The following DAG1 variants were observed in gnomAD, a reference collection of about 807,000 sequenced individuals.
DAG1 encodes the protein dystroglycan 1 (dystrophin-associated glycoprotein 1).
Under a neutral mutation model 46.1 loss-of-function variants are expected in DAG1, and 8 were observed. That is an observed-to-expected ratio of 0.17 (90% CI 0.10 to 0.31). DAG1 has a LOEUF of 0.31. Among genes scored for constraint, DAG1 ranks in the 10% least tolerant of loss-of-function variants. DAG1 has a pLI of 1.00. For missense variants in DAG1, 1,003 were observed against 1,189.9 expected (o/e 0.84, Z 2.31); for synonymous variants, 495 against 481.8 (o/e 1.03, Z -0.36).
At chr3:49,480,361 C>T (rs528434556) in intron 1 of DAG1, among the ~76,000 whole-genome samples, 3 of 149,442 alleles carry the variant, frequency 2.0e-5, no homozygotes, top group South Asian at 4.3e-4. Flanking sequence ...CTGCAAGTTC[C>T]GTCTCCTGGG....
At chr3:49,504,760 A>ATTTTTTTTTTTTT (rs1559560835) in intron 1 of DAG1, among the ~76,000 whole-genome samples, 1 of 110,472 alleles carries the variant, frequency 9.1e-6, no homozygotes. Flanking sequence ...ACGCCCAGCT[A>ATTTTTTTTTTTTT]ATTTTTTTTT....
intron 1 of DAG1, among the ~76,000 whole-genome samples, chr3:49,497,779 A>G (rs2050353979): frequency 6.6e-6 from 1 of 152,212 alleles, no homozygotes; most frequent in African/African-American, 2.4e-5. Context: ...AGTGAGCCCC[A>G]TTACGTACCA....
At chr3:49,502,534 A>G (rs1292265836) in intron 1 of DAG1, among the ~76,000 whole-genome samples, 1 of 152,136 alleles carries the variant, frequency 6.6e-6, no homozygotes, top group Non-Finnish European at 1.5e-5. Flanking sequence ...GGAACAAGGT[A>G]GTAGAGAGGA....
At chr3:49,520,619 CT>C (rs1195135778) in intron 2 of DAG1, among the ~76,000 whole-genome samples, 3 of 152,196 alleles carry the variant, frequency 2.0e-5, no homozygotes, top group Non-Finnish European at 4.4e-5. Context: ...TGAAATGGAT[CT>C]GTTGGGGGAC....
chr3:49,477,612 A>G (rs1215690632), intron 1 of DAG1, among the ~76,000 whole-genome samples: 4 of 152,220 alleles, frequency 2.6e-5, no homozygotes, highest in East Asian at 3.8e-4. Flanking sequence ...TAAAACATTA[A>G]TAGTGGAGGA....
chr3:49,526,744 A>G (rs2051182515), intron 2 of DAG1, among the ~76,000 whole-genome samples: 1 of 152,156 alleles, frequency 6.6e-6, no homozygotes, highest in Non-Finnish European at 1.5e-5. Flanking sequence ...ATAAAATTAA[A>G]TAAATTGTGA....
intron 1 of DAG1, among the ~76,000 whole-genome samples, chr3:49,491,603 A>G (rs2050186383): frequency 6.6e-6 from 1 of 151,696 alleles, no homozygotes; most frequent in African/African-American, 2.4e-5. Context: ...CAGCCTCCCA[A>G]GTAGCTGGGA....
chr3:49,486,092 G>A (rs532119033), intron 1 of DAG1, among the ~76,000 whole-genome samples: 1 of 152,266 alleles, frequency 6.6e-6, no homozygotes, highest in South Asian at 2.1e-4. Flanking sequence ...GGAACTGCCT[G>A]TAGGAGTGGT....
chr3:49,486,188 T>TC (rs2050020379), intron 1 of DAG1, among the ~76,000 whole-genome samples: 1 of 75,322 alleles, frequency 1.3e-5, no homozygotes. Context: ...TCTTTTTCTT[T>TC]TATTTATTTA....
chr3:49,473,942 G>A (rs1170283131), intron 1 of DAG1, among the ~76,000 whole-genome samples: 1 of 151,126 alleles, frequency 6.6e-6, no homozygotes, highest in African/African-American at 2.4e-5. Context: ...GGAGTGCAGT[G>A]GTGGGATCTT....
At chr3:49,485,270 C>T (rs185770896) in intron 1 of DAG1, among the ~76,000 whole-genome samples, 3 of 150,016 alleles carry the variant, frequency 2.0e-5, no homozygotes, top group South Asian at 2.1e-4. Context: ...CCACCGCACC[C>T]GGCCAAGGAC....
chr3:49,510,421 TC>T lies in DAG1; in HGVS notation c.-113del. On this transcript the variant is annotated 5_prime_UTR_variant, in exon 2 of 3. Transcript: ENST00000308775. Reference sequence around the variant, plus strand: ...ACCTGCTTTTCTTTTTTTTTCAGGCTCTGTGTGCTCCGGGATGGAGCAGGTG... The same window carrying T: ...ACCTGCTTTTCTTTTTTTTTCAGGCTTGTGTGCTCCGGGATGGAGCAGGTG... 1 of 1,022,640 alleles carries T rather than the reference TC, an allele frequency of 9.8e-7. No individual in the cohort carries two copies. The highest frequency in any genetic ancestry group is 1.5e-6 in the Non-Finnish European group (1 of 655,260). The allele number at this position is 1,022,640 out of a possible 1,614,324, so 63.3% of individuals were successfully genotyped here.
chr3:49,470,572 G>A (rs2049486322), intron 1 of DAG1, 139 bp downstream of exon 1: 1 of 152,276 alleles, frequency 6.6e-6, no homozygotes. Flanking sequence ...ACGTCCTTGT[G>A]GGTGAGGAGG....
At chr3:49,510,125 T>A (rs1575386099) in intron 1 of DAG1, 1 of 404,492 alleles carries the variant, frequency 2.5e-6, no homozygotes, top group African/African-American at 2.0e-5. Flanking sequence ...AAAATATTAC[T>A]AATACATATC....
intron 1 of DAG1, among the ~76,000 whole-genome samples, chr3:49,507,334 G>A (rs1331799488): frequency 6.6e-6 from 1 of 152,118 alleles, no homozygotes; most frequent in East Asian, 1.9e-4. Context: ...AGGCTGAGGT[G>A]GGCGGATCAC....
chr3:49,529,978 T>C (rs1283304126), intron 2 of DAG1, among the ~76,000 whole-genome samples: 1 of 152,182 alleles, frequency 6.6e-6, no homozygotes, highest in African/African-American at 2.4e-5. Context: ...CCTGCTTCTG[T>C]GCCTGGTCTC....
chr3:49,510,382 T>C, intron 1 of DAG1, 37 bp from the exon 2 acceptor site: 1 of 742,254 alleles, frequency 1.3e-6, no homozygotes. Context: ...ACCACTGGAA[T>C]TGCTCAAGTC....
At position 49,531,704 on chromosome 3, in the gene DAG1, C is replaced by G. The variant is rs751173028; in HGVS notation, c.1193C>G (p.Pro398Arg). Residue 398 changes from proline to arginine, a missense_variant, in exon 3 of 3, where the codon CCT (proline) becomes CGT (arginine). By Grantham distance (103) the Pro-to-Arg change is moderately radical (BLOSUM62 -2). Transcript: ENST00000308775. The surrounding 1 kb of genome is among the most constrained non-coding windows in gnomAD (Gnocchi z 7.0). ...GTGTCAGAAGCTGGCACCACAGTTCCTGGCCAGATTCGCCCAACGATGACC... is the reference window on the plus strand; with the variant it reads ...GTGTCAGAAGCTGGCACCACAGTTCGTGGCCAGATTCGCCCAACGATGACC... ...TRVSEAGTTVPGQIRPTMTIP... is the reference protein window; with the variant it reads ...TRVSEAGTTVRGQIRPTMTIP... The G allele has an allele frequency of 2.5e-6, 4 of 1,614,016 alleles. No individual in the cohort carries two copies. The highest frequency in any genetic ancestry group is 1.7e-5 in the Admixed American group (1 of 60,004).
chr3:49,485,211 G>A (rs1178146471), intron 1 of DAG1, among the ~76,000 whole-genome samples: 2 of 151,816 alleles, frequency 1.3e-5, no homozygotes, highest in South Asian at 2.1e-4. Flanking sequence ...TCCTGACCTC[G>A]TGATCTGCCC....
Sources: gnomAD v4.1 joint callset for allele counts (sites outside exome capture counted in the v4.1 genomes callset) on GRCh38, gnomAD v4.1.1 for gene constraint, Gnocchi (gnomAD v3.1) non-coding constraint, MANE v1.5 for transcripts, NCBI Gene and HGNC (gene_info 2026-07-23, HGNC 2026-07-21) for gene names.